XRCC4: variants seen among roughly 807,000 people sequenced by gnomAD.
XRCC4 encodes DNA repair protein XRCC4.
Under a neutral mutation model 39.1 loss-of-function variants are expected in XRCC4, and 28 were observed. The ratio of observed to expected loss-of-function variants is 0.72; its 90% CI spans 0.53 to 0.98. The LOEUF is 0.98. XRCC4 is among the 50% of genes least tolerant of loss of function. XRCC4 has a pLI of 0.00. For missense variants in XRCC4, 350 were observed against 376.4 expected (o/e 0.93, Z 0.58); for synonymous variants, 123 against 126.4 (o/e 0.97, Z 0.18).
intron 6 of XRCC4, among the ~76,000 whole-genome samples, chr5:83,220,298 G>A (rs926977682): frequency 1.3e-5 from 2 of 152,120 alleles, no homozygotes; most frequent in Non-Finnish European, 2.9e-5. Flanking sequence ...TGTGAATGCA[G>A]CAACAATTTC....
intron 2 of XRCC4, among the ~76,000 whole-genome samples, chr5:83,109,332 A>C (rs28383145): frequency 8.0e-4 from 122 of 152,072 alleles, no homozygotes; most frequent in African/African-American, 2.8e-3. Flanking sequence ...TATGAGTATT[A>C]ATCCCAGCTT....
At chr5:83,288,803 G>T (rs1288930816) in intron 7 of XRCC4, among the ~76,000 whole-genome samples, 1 of 151,670 alleles carries the variant, frequency 6.6e-6, no homozygotes, top group African/African-American at 2.4e-5. Flanking sequence ...AGGCTTCCTG[G>T]ATATCTGAAT....
At chr5:83,336,643 C>A (rs1009452487) in intron 7 of XRCC4, among the ~76,000 whole-genome samples, 2 of 152,086 alleles carry the variant, frequency 1.3e-5, no homozygotes, top group Non-Finnish European at 2.9e-5. Context: ...ATTCATAAAC[C>A]TTTAATAATA....
intron 3 of XRCC4, among the ~76,000 whole-genome samples, chr5:83,171,997 A>G (rs1365005266): frequency 6.6e-6 from 1 of 152,196 alleles, no homozygotes; most frequent in African/African-American, 2.4e-5. Flanking sequence ...TTTACTTTCT[A>G]GCACTATTGA....
chr5:83,111,397 T>C (rs535517653), intron 3 of XRCC4, among the ~76,000 whole-genome samples, 194 bp downstream of exon 3: 1 of 152,084 alleles, frequency 6.6e-6, no homozygotes, highest in East Asian at 1.9e-4. Context: ...TCATGAAAAA[T>C]AAATATTGGA....
intron 3 of XRCC4, among the ~76,000 whole-genome samples, chr5:83,182,851 G>A (rs1750263954): frequency 6.6e-6 from 1 of 152,122 alleles, no homozygotes; most frequent in African/African-American, 2.4e-5. Flanking sequence ...GCCCTCTCCA[G>A]ATGCCAAATG....
intron 6 of XRCC4, among the ~76,000 whole-genome samples, chr5:83,227,192 T>C (rs1752322570): frequency 6.6e-6 from 1 of 152,124 alleles, no homozygotes; most frequent in African/African-American, 2.4e-5. Context: ...TTTTATCTAC[T>C]GTGTAAATAT....
intron 6 of XRCC4, among the ~76,000 whole-genome samples, chr5:83,234,704 G>C (rs1752621614): frequency 6.6e-6 from 1 of 152,084 alleles, no homozygotes; most frequent in Non-Finnish European, 1.5e-5. Flanking sequence ...TATGTCACAG[G>C]ATAATGTATG....
intron 7 of XRCC4, among the ~76,000 whole-genome samples, chr5:83,287,949 G>T (rs1694600890): frequency 6.6e-6 from 1 of 151,692 alleles, no homozygotes. Context: ...TCTAAGCACT[G>T]CTTTCGTTGC....
chr5:83,182,692 C>A (rs1750255626), intron 3 of XRCC4, among the ~76,000 whole-genome samples: 1 of 152,058 alleles, frequency 6.6e-6, no homozygotes, highest in African/African-American at 2.4e-5. Flanking sequence ...AGAGGTGTGG[C>A]TCTTGGGAGG....
At chr5:83,238,323 A>G (rs1752769856) in intron 6 of XRCC4, among the ~76,000 whole-genome samples, 1 of 152,194 alleles carries the variant, frequency 6.6e-6, no homozygotes, top group Admixed American at 6.5e-5. Context: ...GTCCTCAGAA[A>G]ATGAGATCTT....
chr5:83,130,022 G>C (rs994565638), intron 3 of XRCC4, among the ~76,000 whole-genome samples: 2 of 152,024 alleles, frequency 1.3e-5, no homozygotes, highest in Admixed American at 1.3e-4. Context: ...GGGGTGGTAA[G>C]AGAGGGCATC....
intron 7 of XRCC4, among the ~76,000 whole-genome samples, chr5:83,321,254 A>G (rs1487106254): frequency 1.3e-5 from 2 of 152,214 alleles, no homozygotes; most frequent in East Asian, 3.9e-4. Flanking sequence ...CAAACTGGCA[A>G]TGTATGCAAA....
At chr5:83,100,069 G>C (rs964463762) in intron 1 of XRCC4, among the ~76,000 whole-genome samples, 1 of 152,036 alleles carries the variant, frequency 6.6e-6, no homozygotes, top group African/African-American at 2.4e-5. Flanking sequence ...CAAATAGTAT[G>C]GTATTAGGAA....
chr5:83,212,047 A>T (rs997276533), intron 6 of XRCC4, among the ~76,000 whole-genome samples: 3 of 152,134 alleles, frequency 2.0e-5, no homozygotes, highest in African/African-American at 7.2e-5. Flanking sequence ...TTCAAAGCAC[A>T]GTTTATATCT....
intron 7 of XRCC4, among the ~76,000 whole-genome samples, chr5:83,336,048 G>C (rs1315186683): frequency 6.6e-6 from 1 of 151,882 alleles, no homozygotes; most frequent in Non-Finnish European, 1.5e-5. Context: ...AAAGTGTTCA[G>C]TGATAAAAAT....
intron 3 of XRCC4, among the ~76,000 whole-genome samples, chr5:83,187,247 A>G (rs1400664465): frequency 6.6e-6 from 1 of 151,864 alleles, no homozygotes; most frequent in Non-Finnish European, 1.5e-5. Flanking sequence ...CCGGCCCTCC[A>G]TTTTTAACGG....
intron 7 of XRCC4, among the ~76,000 whole-genome samples, chr5:83,261,434 C>T (rs182160051): frequency 7.9e-5 from 12 of 151,998 alleles, no homozygotes; most frequent in Admixed American, 2.6e-4. Context: ...ATACATCAGT[C>T]CCTACCTCTA....
At chr5:83,251,170 A>T (rs1204265542) in intron 6 of XRCC4, among the ~76,000 whole-genome samples, 1 of 152,202 alleles carries the variant, frequency 6.6e-6, no homozygotes, top group African/African-American at 2.4e-5. Flanking sequence ...GAGTGGAGGA[A>T]TAAATGAATT....
Sources: allele counts gnomAD v4.1 joint callset (sites outside exome capture counted in the v4.1 genomes callset), GRCh38; gene constraint gnomAD v4.1.1; transcripts MANE v1.5; gene names NCBI Gene and HGNC (gene_info 2026-07-23, HGNC 2026-07-21).